The following ZNF454 variants were observed in gnomAD, a reference collection of about 807,000 sequenced individuals.
ZNF454 encodes the protein zinc finger protein 454.
Under a neutral mutation model 48.2 loss-of-function variants are expected in ZNF454, and 30 were observed. The ratio of observed to expected loss-of-function variants is 0.62; its 90% CI spans 0.47 to 0.84. ZNF454 has a LOEUF of 0.84. Among genes scored for constraint, ZNF454 ranks in the 40% least tolerant of loss-of-function variants. ZNF454 has a pLI of 0.00. For synonymous variants in ZNF454, 204 were observed against 211.4 expected (o/e 0.97, Z 0.30); for missense variants, 510 against 623.1 (o/e 0.82, Z 1.93).
chr5:178,968,725 T>C (rs1256104828), downstream of ZNF454: 1 of 456,406 alleles, frequency 2.2e-6, no homozygotes, highest in Middle Eastern at 3.3e-4. Flanking sequence ...TACCACCCCC[T>C]TACCTTGAAT....
chr5:178,954,480 T>C (rs1051398117), intron 4 of ZNF454, among the ~76,000 whole-genome samples: 2 of 152,190 alleles, frequency 1.3e-5, no homozygotes, highest in African/African-American at 4.8e-5. Flanking sequence ...TGCACTTTGG[T>C]GTATGTGCTT....
chr5:178,984,500 T>C, the ZNF454 span, among the ~76,000 whole-genome samples: 1 of 152,286 alleles, frequency 6.6e-6, no homozygotes, highest in Non-Finnish European at 1.5e-5. Context: ...TGTGTGTTTT[T>C]AAAGATCCCT....
At chr5:178,986,159 C>T in the ZNF454 span, 1 of 1,613,776 alleles carries the variant, frequency 6.2e-7, no homozygotes, top group Non-Finnish European at 8.5e-7. Context: ...AAGGTGATGA[C>T]CAGCTGTGAG....
the ZNF454 span, among the ~76,000 whole-genome samples, chr5:178,983,720 G>T: frequency 6.6e-6 from 1 of 152,224 alleles, no homozygotes; most frequent in South Asian, 2.1e-4. Context: ...AGGAATGGGA[G>T]CTGATGCCGA....
At chr5:178,982,690 GATAAAAA>G in the ZNF454 span, 2 of 301,562 alleles carry the variant, frequency 6.6e-6, no homozygotes, top group South Asian at 3.4e-5. Context: ...AAATGAAAAT[GATAAAAA>G]AAAAAAAGAA....
chr5:178,989,670 T>C, the ZNF454 span: 18 of 564,728 alleles, frequency 3.2e-5, no homozygotes, highest in Non-Finnish European at 5.4e-5. Flanking sequence ...GGTTCCAGGG[T>C]AGCACTTACA....
At chr5:178,987,168 C>T in the ZNF454 span, 2 of 713,210 alleles carry the variant, frequency 2.8e-6, no homozygotes, top group Non-Finnish European at 5.0e-6. Context: ...AGCCAAGAAC[C>T]AGAAAATAAC....
chr5:178,988,367 G>A, the ZNF454 span, among the ~76,000 whole-genome samples: 3 of 152,166 alleles, frequency 2.0e-5, no homozygotes, highest in African/African-American at 7.2e-5. This position sits in a 1 kb window ranked among gnomAD's most constrained non-coding sequence, Gnocchi z 6.0. Flanking sequence ...GTGGAAGAGC[G>A]GAGTTTTGAA....
chr5:178,989,220 A>ACCCCC, the ZNF454 span: 3 of 817,206 alleles, frequency 3.7e-6, no homozygotes, highest in Non-Finnish European at 3.6e-6. Flanking sequence ...CACCCTCACC[A>ACCCCC]CCCTCCCCAC....
At chr5:178,989,181 C>T in the ZNF454 span, 49 of 1,591,488 alleles carry the variant, frequency 3.1e-5, no homozygotes, top group South Asian at 2.7e-4. Flanking sequence ...CCCCATGCAC[C>T]GAACCCGGCC....
intron 1 of ZNF454, 48 bp from the exon 2 acceptor site, chr5:178,942,637 G>C (rs922956939): frequency 2.8e-6 from 2 of 726,324 alleles, no homozygotes; most frequent in Non-Finnish European, 4.6e-6. Context: ...TCACTGCCTC[G>C]CTCTGGACTG....
chr5:178,982,862 C>T, the ZNF454 span: 3 of 1,352,442 alleles, frequency 2.2e-6, no homozygotes, highest in Non-Finnish European at 3.2e-6. Context: ...AATCGACCAG[C>T]CTGACAGGCA....
At chr5:178,978,064 T>G in the ZNF454 span, among the ~76,000 whole-genome samples, 17 of 152,224 alleles carry the variant, frequency 1.1e-4, no homozygotes, top group Non-Finnish European at 2.2e-4. Context: ...AAGCTACTTG[T>G]AATAAGCATC....
In ZNF454 at chr5:178,964,104, A is replaced by G. The variant is rs955890141; in HGVS notation, c.251-551A>G. Reference sequence around the variant, plus strand: ...CACAAAGAAAATATGTGTTGTACTCAATTCTAACCCAGGCCTGTGACTTTT... The same window carrying G: ...CACAAAGAAAATATGTGTTGTACTCGATTCTAACCCAGGCCTGTGACTTTT... On this transcript the variant is annotated intron_variant, in intron 4 of 4. Coordinates refer to ENST00000519564, the MANE Select transcript of ZNF454 (RefSeq NM_001178089.3). Among the ~76,000 whole-genome samples the G allele has an allele frequency of 2.0e-5, 3 of 149,314 alleles. No homozygotes were observed. In the South Asian group the frequency reaches 6.4e-4, roughly 32 times the overall value.
At chr5:178,978,695 A>AATATG in the ZNF454 span, 1 of 152,142 alleles carries the variant, frequency 6.6e-6, no homozygotes, top group Non-Finnish European at 1.5e-5. Context: ...CCAACCCAGA[A>AATATG]CTCCATTTTC....
intron 4 of ZNF454, among the ~76,000 whole-genome samples, chr5:178,956,365 C>T (rs1014781715): frequency 6.6e-6 from 1 of 152,082 alleles, no homozygotes; most frequent in African/African-American, 2.4e-5. Context: ...AGTAATCCCT[C>T]ATTGCCTATC....
At chr5:178,985,701 T>TCA in the ZNF454 span, 576 of 348,724 alleles carry the variant, frequency 1.7e-3, 2 homozygotes, top group Non-Finnish European at 2.2e-3. Flanking sequence ...AGACTCTGTC[T>TCA]AAAAAAAAAA....
Position 178,946,822 on chromosome 5 carries a change from A to G in ZNF454, c.161-75A>G. 2 of 1,365,328 alleles carry G rather than the reference A, an allele frequency of 1.5e-6. No homozygotes were observed. The highest frequency in any genetic ancestry group is 2.1e-6 in the Non-Finnish European group (2 of 968,500). 84.6% of individuals were successfully genotyped at this position (1,365,328 alleles called of 1,614,324 possible). A position where few individuals can be genotyped will look rare whatever the true frequency, so the allele number is the denominator to read the frequency against. On this transcript the variant is annotated intron_variant, in intron 3 of 4. Coordinates refer to ENST00000519564, the MANE Select transcript of ZNF454 (RefSeq NM_001178089.3). The surrounding 1 kb of genome is among the most constrained non-coding windows in gnomAD (Gnocchi z 4.5). Reference sequence around the variant, plus strand: ...CATTTCCCAGCAAGCTCTGAGGACCAGGCTTTGTCTTTGCAGTGATTTTTA... The same window carrying G: ...CATTTCCCAGCAAGCTCTGAGGACCGGGCTTTGTCTTTGCAGTGATTTTTA...
intron 4 of ZNF454, among the ~76,000 whole-genome samples, chr5:178,949,860 C>G (rs1369785977): frequency 2.0e-5 from 3 of 152,136 alleles, no homozygotes; most frequent in Non-Finnish European, 4.4e-5. Flanking sequence ...CGTGATCCGC[C>G]CACCTTAGCC....
Sources: allele counts gnomAD v4.1 joint callset (sites outside exome capture counted in the v4.1 genomes callset), GRCh38; gene constraint gnomAD v4.1.1; non-coding constraint Gnocchi (gnomAD v3.1); transcripts MANE v1.5; gene names NCBI Gene and HGNC (gene_info 2026-07-23, HGNC 2026-07-21).